Variants in FRAS1 observed in about 807,000 individuals in gnomAD.
FRAS1 encodes Fraser extracellular matrix complex subunit 1.
Under a neutral mutation model 435.2 loss-of-function variants are expected in FRAS1, and 290 were observed. The ratio of observed to expected loss-of-function variants is 0.67; its 90% CI spans 0.61 to 0.73. The LOEUF (loss-of-function observed/expected upper bound fraction) is 0.73, where lower values mean the gene tolerates loss of function less well. Ranked by LOEUF, FRAS1 falls within the 30% of genes least tolerant of loss-of-function variation. FRAS1 has a pLI of 0.00. For missense variants in FRAS1, 4,860 were observed against 5,001.5 expected (o/e 0.97, Z 0.85); for synonymous variants, 1,800 against 1,851.0 (o/e 0.97, Z 0.71).
At chr4:78,292,949 A>C (rs1326003518) in intron 14 of FRAS1, among the ~76,000 whole-genome samples, 1 of 152,164 alleles carries the variant, frequency 6.6e-6, no homozygotes, top group African/African-American at 2.4e-5. Context: ...TAAATTGCTG[A>C]CTGTCTCATA....
intron 59 of FRAS1, among the ~76,000 whole-genome samples, chr4:78,492,398 T>C (rs1720377715): frequency 6.6e-6 from 1 of 152,138 alleles, no homozygotes; most frequent in South Asian, 2.1e-4. Context: ...CAAACTATAC[T>C]ACAAGTCTGC....
Position 78,312,523 on chromosome 4 carries a change from T to A in FRAS1, c.1679-3071T>A, listed in dbSNP as rs556293184. Among the ~76,000 whole-genome samples, 5 of 152,240 alleles carry A rather than the reference T, an allele frequency of 3.3e-5. No homozygotes were observed. In the East Asian group the frequency reaches 9.6e-4, roughly 29 times the overall value. On this transcript the variant is annotated intron_variant, in intron 15 of 73. Transcript: ENST00000512123. ...TAAGCTTTAGAGCACATTTACTGAA[T>A]TCTTAAGAAAACTCAACTGGGTCTG...
Position 78,384,093 on chromosome 4 carries a change from C to A in FRAS1, c.3598C>A (p.Gln1200Lys), listed in dbSNP as rs1250948230. 2 of 1,606,592 alleles carry A rather than the reference C, an allele frequency of 1.2e-6. No homozygotes were observed. Among genetic ancestry groups the A allele is most frequent in the African/African-American group, 2.7e-5 (2 of 74,582 alleles). Residue 1200 changes from glutamine (Q) to lysine (K), a missense_variant, in exon 28 of 74, where the codon CAG becomes AAG. Physicochemically the swap from Gln to Lys is moderately conservative, Grantham distance 53. Transcript: ENST00000512123. ...GYLFLKISDQ[Q>K]FFSEPQLINI... Reference sequence around the variant, plus strand: ...CCTTTTCCTGAAAATTAGTGACCAGCAGTTCTTCTCTGAGCCACAGCTGAT... The same window carrying A: ...CCTTTTCCTGAAAATTAGTGACCAGAAGTTCTTCTCTGAGCCACAGCTGAT...
Position 78,282,898 on chromosome 4 carries a change from T to C in FRAS1, c.1186T>C (p.Cys396Arg), listed in dbSNP as rs138103912. Residue 396 changes from cysteine to arginine, a missense_variant, in exon 12 of 74, where the codon TGC becomes CGC. Physicochemically the swap from Cys to Arg is radical, Grantham distance 180. Transcript: ENST00000512123. The stretch of plus-strand genomic sequence containing the variant: ...TCAGGTAACTTGCTACGAGCCCTCT[T>C]GCCCACCATGTCCAGTGGGCACACT... ...GAQVTCYEPS[C>R]PPCPVGTLAL... 46 of 1,612,504 alleles carry C rather than the reference T, an allele frequency of 2.9e-5. No individual in the cohort carries two copies. In the East Asian group the frequency reaches 1.0e-3, roughly 36 times the overall value.
intron 29 of FRAS1, among the ~76,000 whole-genome samples, chr4:78,392,289 G>A (rs1435780384): frequency 6.6e-6 from 1 of 151,962 alleles, no homozygotes; most frequent in African/African-American, 2.4e-5. Context: ...TGCAAATTAA[G>A]GTATATTTTT....
intron 2 of FRAS1, among the ~76,000 whole-genome samples, chr4:78,233,971 A>G (rs926508652): frequency 1.3e-5 from 2 of 152,210 alleles, no homozygotes; most frequent in Non-Finnish European, 2.9e-5. Context: ...CCAGCCTTGC[A>G]GGAAGATGGC....
At chr4:78,297,683 G>A (rs551926463) in intron 14 of FRAS1, among the ~76,000 whole-genome samples, 1 of 152,244 alleles carries the variant, frequency 6.6e-6, no homozygotes, top group East Asian at 1.9e-4. Context: ...TAAAAAGATA[G>A]CTTTCTCTTA....
At chr4:78,420,879 CATATAT>C (rs72430754) in intron 33 of FRAS1, among the ~76,000 whole-genome samples, 978 of 95,398 alleles carry the variant, frequency 0.01, 19 homozygotes, top group African/African-American at 0.03. Flanking sequence ...ACTAATAGGA[CATATAT>C]ATATATATAT....
rs780449265 is a variant in FRAS1 at position 78,539,269 on chromosome 4, GC to G, written c.11299-24del. On this transcript the variant is annotated intron_variant, in intron 72 of 73. Transcript: ENST00000512123. The stretch of plus-strand genomic sequence containing the variant: ...TAGTGGAACCATCTTTCTAAATCTT[GC>G]ATTTCTTTTTTCTGAAATCCTAGGA... 3.4e-5 allele frequency: 54 copies of G among 1,596,960 alleles called. 3 individuals carry two copies. The South Asian group carries it at 5.6e-4, about 17-fold the overall frequency.
At chr4:78,322,771 C>G (rs998660544) in intron 18 of FRAS1, among the ~76,000 whole-genome samples, 4 of 152,200 alleles carry the variant, frequency 2.6e-5, no homozygotes, top group African/African-American at 9.7e-5. Context: ...TTATTGGAAG[C>G]TGGAGGACAG....
rs777983930 is a variant in FRAS1 at position 78,424,447 on chromosome 4, A to G, written c.4711+27A>G. 4.6e-6 allele frequency: 6 copies of G among 1,295,582 alleles called. No individual in the cohort carries two copies. In the African/African-American group the frequency reaches 7.8e-5, roughly 17 times the overall value. 80.3% of individuals were successfully genotyped at this position (1,295,582 alleles called of 1,614,324 possible). On this transcript the variant is annotated intron_variant, in intron 35 of 73. Coordinates refer to ENST00000512123, the MANE Select transcript of FRAS1 (RefSeq NM_025074.7). Reference sequence around the variant, plus strand: ...TAAAGATTCATCTAAATTTTACTAGAAAGTGAAATTTTTTCTTTCCTTATT... The same window carrying G: ...TAAAGATTCATCTAAATTTTACTAGGAAGTGAAATTTTTTCTTTCCTTATT...
chr4:78,369,886 C>A lies in FRAS1; in HGVS notation c.2771C>A (p.Ser924Tyr). Reference sequence around the variant, plus strand: ...TGTGATTCACAGGCCAGCTGTACCTCCTGCCGAGATCCAAACAAGGTTCTG... The same window carrying A: ...TGTGATTCACAGGCCAGCTGTACCTACTGCCGAGATCCAAACAAGGTTCTG... The part of the protein sequence containing the change: ...GSCDSQASCT[S>Y]CRDPNKVLLF... The change falls in exon 23 of 74, where the codon TCC becomes TAC. Residue 924 changes from serine to tyrosine, a missense_variant. Ser to Tyr is a moderately radical substitution (Grantham distance 144). Coordinates refer to ENST00000512123, the MANE Select transcript of FRAS1 (RefSeq NM_025074.7). 3 of 1,613,624 alleles carry A rather than the reference C, an allele frequency of 1.9e-6. No individual in the cohort carries two copies. In the African/African-American group the frequency reaches 4.0e-5, roughly 22 times the overall value.
At chr4:78,495,458 C>T (rs1720484160) in intron 59 of FRAS1, among the ~76,000 whole-genome samples, 2 of 152,108 alleles carry the variant, frequency 1.3e-5, no homozygotes, top group Non-Finnish European at 2.9e-5. Flanking sequence ...TAGCTTCCTT[C>T]TTTGGGGCAC....
At chr4:78,236,256 T>C (rs986954326) in intron 2 of FRAS1, among the ~76,000 whole-genome samples, 2 of 151,858 alleles carry the variant, frequency 1.3e-5, no homozygotes, top group South Asian at 4.2e-4. Flanking sequence ...TTTTATCTCA[T>C]TGGAGATAAA....
chr4:78,334,396 G>T (rs1730082864), intron 19 of FRAS1, among the ~76,000 whole-genome samples: 1 of 122,716 alleles, frequency 8.1e-6, no homozygotes, highest in Admixed American at 8.8e-5. Flanking sequence ...TTTTGAGACG[G>T]AGTCTTGCTC....
At chr4:78,209,113 C>G (rs1315337549) in intron 2 of FRAS1, among the ~76,000 whole-genome samples, 1 of 151,832 alleles carries the variant, frequency 6.6e-6, no homozygotes, top group African/African-American at 2.4e-5. Flanking sequence ...CCATGACACT[C>G]CAGCCTGGGC....
At chr4:78,454,328 T>A (rs1304649689) in intron 47 of FRAS1, among the ~76,000 whole-genome samples, 2 of 151,810 alleles carry the variant, frequency 1.3e-5, no homozygotes, top group East Asian at 3.9e-4. Context: ...GAGATGAGCT[T>A]TAAATGGTGG....
At chr4:78,499,248 G>A (rs1430764093) in intron 60 of FRAS1, among the ~76,000 whole-genome samples, 1 of 152,026 alleles carries the variant, frequency 6.6e-6, no homozygotes, top group Non-Finnish European at 1.5e-5. Context: ...AGAGGTGAGG[G>A]GTGGACTTGG....
intron 1 of FRAS1, among the ~76,000 whole-genome samples, chr4:78,060,478 A>G (rs1390099507): frequency 6.6e-6 from 1 of 152,136 alleles, no homozygotes. Context: ...TGTGGTTGGT[A>G]TGGGTTTGGT....
Sources: gnomAD v4.1 joint callset for allele counts (sites outside exome capture counted in the v4.1 genomes callset) on GRCh38, gnomAD v4.1.1 for gene constraint, MANE v1.5 for transcripts, NCBI Gene and HGNC (gene_info 2026-07-23, HGNC 2026-07-21) for gene names.